Variants in ANGPT1 observed in about 807,000 individuals in gnomAD.
The protein encoded by ANGPT1 is angiopoietin-1.
ANGPT1 carries 17 observed loss-of-function variants against 62.2 expected under a neutral mutation model. The ratio of observed to expected loss-of-function variants is 0.27; its 90% CI spans 0.19 to 0.41. The LOEUF is 0.41. Ranked by LOEUF, ANGPT1 falls within the 10% of genes least tolerant of loss-of-function variation. ANGPT1 has a pLI of 1.00. For missense variants in ANGPT1, 478 were observed against 594.9 expected, an observed-to-expected ratio of 0.80 and a Z score of 2.04; for synonymous variants, 199 against 198.9, an observed-to-expected ratio of 1.00 and a Z score of 0.00.
intron 1 of ANGPT1, among the ~76,000 whole-genome samples, chr8:107,355,108 G>C (rs1008007334): frequency 2.0e-5 from 3 of 151,852 alleles, no homozygotes; most frequent in African/African-American, 7.3e-5. Context: ...TGCCATGTTG[G>C]CCAGGCTGGT....
At chr8:107,421,889 G>A (rs952667593) in intron 1 of ANGPT1, among the ~76,000 whole-genome samples, 3 of 152,018 alleles carry the variant, frequency 2.0e-5, no homozygotes, top group Non-Finnish European at 2.9e-5. Flanking sequence ...GTATTTCGTC[G>A]CAGCCATCTG....
intron 1 of ANGPT1, among the ~76,000 whole-genome samples, chr8:107,377,504 T>C (rs1490604792): frequency 2.0e-5 from 3 of 152,222 alleles, no homozygotes; most frequent in Non-Finnish European, 2.9e-5. Flanking sequence ...TTTCTAAAGA[T>C]AGTAATCTCA....
chr8:107,304,123 G>T (rs1814659308), intron 4 of ANGPT1, among the ~76,000 whole-genome samples: 2 of 151,722 alleles, frequency 1.3e-5, no homozygotes, highest in African/African-American at 4.8e-5. Flanking sequence ...AAATTATACA[G>T]GTGAAAGAGT....
chr8:107,375,970 C>T (rs1816523369), intron 1 of ANGPT1, among the ~76,000 whole-genome samples: 1 of 152,142 alleles, frequency 6.6e-6, no homozygotes. Context: ...GAGATTGAAC[C>T]AGGAAAGGGC....
chr8:107,300,008 G>GGT (rs1366380847), intron 5 of ANGPT1, among the ~76,000 whole-genome samples: 36 of 135,606 alleles, frequency 2.7e-4, no homozygotes, highest in African/African-American at 8.9e-4. Flanking sequence ...TATATATCTA[G>GGT]ATATCTAGAT....
chr8:107,372,407 C>T (rs34977556), intron 1 of ANGPT1, among the ~76,000 whole-genome samples: 1 of 151,964 alleles, frequency 6.6e-6, no homozygotes. Context: ...TAGGAGATGA[C>T]CATTCTCCTG....
At position 107,422,803 on chromosome 8, in the gene ANGPT1, C is replaced by G. The variant is rs989657584; in HGVS notation, c.297+74459G>C. On this transcript the variant is annotated intron_variant, in intron 1 of 8. Coordinates refer to ENST00000517746, the MANE Select transcript of ANGPT1 (RefSeq NM_001146.5). ...TGCCCAAATTAGTGTTTAGATGTTA[C>G]CTAAAAATAATAATAATAATGGTTT... is the stretch of plus-strand genomic sequence containing the variant. Among the ~76,000 whole-genome samples, 4 of 151,992 alleles carry G rather than the reference C, an allele frequency of 2.6e-5. No homozygotes were observed. In the East Asian group the frequency reaches 7.7e-4, roughly 29 times the overall value.
chr8:107,255,166 A>T (rs1278817798), intron 8 of ANGPT1, among the ~76,000 whole-genome samples: 1 of 151,838 alleles, frequency 6.6e-6, no homozygotes, highest in East Asian at 1.9e-4. Context: ...AGAAGAAGAA[A>T]ATTTGATGGA....
At chr8:107,464,465 T>C (rs1812150014) in intron 1 of ANGPT1, among the ~76,000 whole-genome samples, 1 of 152,098 alleles carries the variant, frequency 6.6e-6, no homozygotes, top group African/African-American at 2.4e-5. Context: ...TATTCATTCA[T>C]TCAATACACA....
intron 8 of ANGPT1, among the ~76,000 whole-genome samples, chr8:107,259,300 A>C (rs550882119): frequency 6.6e-6 from 1 of 152,260 alleles, no homozygotes; most frequent in African/African-American, 2.4e-5. Flanking sequence ...GTCATACACC[A>C]GTTGAAAAAA....
At chr8:107,418,262 T>G (rs1276203747) in intron 1 of ANGPT1, among the ~76,000 whole-genome samples, 1 of 152,180 alleles carries the variant, frequency 6.6e-6, no homozygotes, top group East Asian at 1.9e-4. Context: ...CCGTCACCAT[T>G]TTACCATTTT....
At chr8:107,321,786 C>G in intron 4 of ANGPT1, 110 bp downstream of exon 4, 1 of 816,478 alleles carries the variant, frequency 1.2e-6, no homozygotes, top group Non-Finnish European at 1.9e-6. Flanking sequence ...TAAAGTTCTT[C>G]TGCTATTTTT....
chr8:107,487,113 C>G (rs535361411), intron 1 of ANGPT1, among the ~76,000 whole-genome samples: 23 of 152,262 alleles, frequency 1.5e-4, no homozygotes, highest in Non-Finnish European at 2.4e-4. Flanking sequence ...GTCACCCCTC[C>G]CCCATGTCCC....
At chr8:107,273,924 A>G (rs1813799173) in intron 7 of ANGPT1, among the ~76,000 whole-genome samples, 1 of 150,554 alleles carries the variant, frequency 6.6e-6, no homozygotes, top group Admixed American at 6.6e-5. Context: ...TGGCTTCATC[A>G]TTAAAAAAAA....
chr8:107,285,908 C>A (rs1814129435), intron 6 of ANGPT1, among the ~76,000 whole-genome samples: 1 of 151,902 alleles, frequency 6.6e-6, no homozygotes, highest in East Asian at 1.9e-4. Context: ...CAGTGAAGAG[C>A]TGACATGCAC....
intron 1 of ANGPT1, among the ~76,000 whole-genome samples, chr8:107,464,418 A>T (rs1351997206): frequency 1.3e-5 from 2 of 152,132 alleles, no homozygotes; most frequent in Non-Finnish European, 1.5e-5. Flanking sequence ...CGCTGAAAAT[A>T]CTTGAAATCA....
chr8:107,421,798 G>T (rs1240051143), intron 1 of ANGPT1, among the ~76,000 whole-genome samples: 3 of 152,094 alleles, frequency 2.0e-5, no homozygotes, highest in African/African-American at 7.2e-5. Flanking sequence ...GAAGTGATAG[G>T]CTTATCATTT....
intron 1 of ANGPT1, among the ~76,000 whole-genome samples, chr8:107,446,941 C>G (rs1811639572): frequency 6.6e-6 from 1 of 152,178 alleles, no homozygotes; most frequent in African/African-American, 2.4e-5. Context: ...CCACTCAGGC[C>G]TCTGTATACA....
chr8:107,265,662 C>A (rs375988019), intron 7 of ANGPT1, among the ~76,000 whole-genome samples: 1 of 152,112 alleles, frequency 6.6e-6, no homozygotes, highest in Non-Finnish European at 1.5e-5. Context: ...TAGGTCACCA[C>A]CTGTATGCCT....
Sources: gnomAD v4.1 joint callset for allele counts (sites outside exome capture counted in the v4.1 genomes callset) on GRCh38, gnomAD v4.1.1 for gene constraint, MANE v1.5 for transcripts, NCBI Gene and HGNC (gene_info 2026-07-23, HGNC 2026-07-21) for gene names.